Variants in ANKFN1 observed in about 807,000 individuals in gnomAD.
ANKFN1 encodes ankyrin repeat and fibronectin type III domain containing 1.
A neutral mutation model predicts 108.7 loss-of-function variants in ANKFN1; 74 were observed. That is an observed-to-expected ratio of 0.68 (90% CI 0.56 to 0.83). The LOEUF (loss-of-function observed/expected upper bound fraction) is 0.83. Among genes scored for constraint, ANKFN1 ranks in the 40% least tolerant of loss-of-function variants. The pLI is 0.00. For missense variants in ANKFN1, 1,505 were observed against 1,382.3 expected, an observed-to-expected ratio of 1.09 and a Z score of -1.41; for synonymous variants, 547 against 516.2, an observed-to-expected ratio of 1.06 and a Z score of -0.81.
At chr17:56,105,713 G>C (rs1016670548) in intron 4 of ANKFN1, among the ~76,000 whole-genome samples, 1 of 112,092 alleles carries the variant, frequency 8.9e-6, no homozygotes, top group Non-Finnish European at 1.7e-5. Context: ...TTTTTTGTCT[G>C]TGTGTGTGTG....
chr17:56,346,421 C>A (rs1019800555), intron 4 of ANKFN1, among the ~76,000 whole-genome samples: 1 of 151,782 alleles, frequency 6.6e-6, no homozygotes, highest in African/African-American at 2.4e-5. Flanking sequence ...TCTAATTCTG[C>A]CAAGAAAGTC....
intron 15 of ANKFN1, among the ~76,000 whole-genome samples, chr17:56,476,204 A>G (rs2050494267): frequency 6.6e-6 from 1 of 152,162 alleles, no homozygotes; most frequent in African/African-American, 2.4e-5. Flanking sequence ...AATCCAAACC[A>G]TATTAATAAG....
intron 8 of ANKFN1, among the ~76,000 whole-genome samples, chr17:56,401,368 A>ATTGTATTGTG (rs55888620): frequency 0.018 from 2,464 of 135,380 alleles, 37 homozygotes; most frequent in Middle Eastern, 0.028. Flanking sequence ...ATTGTATTGT[A>ATTGTATTGTG]TTGTGTTGTG....
intron 3 of ANKFN1, among the ~76,000 whole-genome samples, chr17:56,325,262 CTGTGTGTG>C (rs57226368): frequency 0.26 from 39,485 of 149,410 alleles, 5,344 homozygotes; most frequent in East Asian, 0.42. Context: ...GCTAGTGTCG[CTGTGTGTG>C]TGTGTGTGTG....
intron 4 of ANKFN1, among the ~76,000 whole-genome samples, chr17:56,121,955 G>T (rs1055377848): frequency 5.3e-5 from 8 of 152,112 alleles, no homozygotes; most frequent in Non-Finnish European, 1.0e-4. Context: ...GGGGTTGCTG[G>T]GGGGAGGTAG....
intron 8 of ANKFN1, among the ~76,000 whole-genome samples, chr17:56,412,222 T>C (rs1271508812): frequency 1.3e-5 from 2 of 152,228 alleles, no homozygotes; most frequent in Non-Finnish European, 2.9e-5. Context: ...GTTGTGTGTT[T>C]CTGGGAATTC....
At chr17:56,058,315 TC>T (rs1598084812) in intron 4 of ANKFN1, among the ~76,000 whole-genome samples, 2 of 152,360 alleles carry the variant, frequency 1.3e-5, no homozygotes, top group African/African-American at 4.8e-5. Context: ...GTTTTTAGTG[TC>T]GCCACCTTCA....
intron 4 of ANKFN1, among the ~76,000 whole-genome samples, chr17:56,126,333 C>G (rs537336833): frequency 1.3e-5 from 2 of 152,292 alleles, no homozygotes; most frequent in African/African-American, 4.8e-5. Flanking sequence ...CTGGCTCCCC[C>G]TGCCAGACGA....
At chr17:56,203,498 C>T (rs1345358013) in intron 1 of ANKFN1, among the ~76,000 whole-genome samples, 1 of 152,200 alleles carries the variant, frequency 6.6e-6, no homozygotes, top group Non-Finnish European at 1.5e-5. Context: ...AACTGCCCAT[C>T]ATACTGTGTT....
chr17:56,060,856 A>G (rs1323825564), intron 4 of ANKFN1, among the ~76,000 whole-genome samples: 1 of 152,214 alleles, frequency 6.6e-6, no homozygotes, highest in Non-Finnish European at 1.5e-5. Context: ...GGATTTTCAC[A>G]TCGATGTTCA....
chr17:56,300,078 C>T (rs1056294904), intron 3 of ANKFN1, among the ~76,000 whole-genome samples: 3 of 152,146 alleles, frequency 2.0e-5, no homozygotes, highest in Non-Finnish European at 1.5e-5. Context: ...TAGTTTAGAC[C>T]TCATGGAGCT....
intron 8 of ANKFN1, among the ~76,000 whole-genome samples, chr17:56,432,626 T>A (rs1567997154): frequency 6.6e-6 from 1 of 152,212 alleles, no homozygotes; most frequent in East Asian, 1.9e-4. Flanking sequence ...TTCACGAGTT[T>A]CTGGGCCAGC....
chr17:56,480,252 T>C (rs2050650223), intron 16 of ANKFN1, among the ~76,000 whole-genome samples: 1 of 152,204 alleles, frequency 6.6e-6, no homozygotes, highest in Non-Finnish European at 1.5e-5. Context: ...AAGTGGTTTG[T>C]TGGCTGAGTT....
At chr17:56,185,385 A>C (rs1912090520) in intron 1 of ANKFN1, among the ~76,000 whole-genome samples, 1 of 152,194 alleles carries the variant, frequency 6.6e-6, no homozygotes, top group African/African-American at 2.4e-5. Flanking sequence ...CCCAGTTTTA[A>C]TTATTTTGCC....
At chr17:56,450,240 C>T (rs956369800) in intron 11 of ANKFN1, among the ~76,000 whole-genome samples, 1 of 151,856 alleles carries the variant, frequency 6.6e-6, no homozygotes, top group Non-Finnish European at 1.5e-5. Context: ...GGGCAAGACT[C>T]TGTCTCTAAA....
intron 3 of ANKFN1, among the ~76,000 whole-genome samples, chr17:56,231,086 C>T (rs1567852631): frequency 6.6e-6 from 1 of 152,062 alleles, no homozygotes; most frequent in Non-Finnish European, 1.5e-5. Context: ...TGGGCAAAGA[C>T]CTGTTCTCTT....
chr17:56,324,672 A>G (rs2045466694), intron 3 of ANKFN1, among the ~76,000 whole-genome samples: 1 of 152,234 alleles, frequency 6.6e-6, no homozygotes, highest in Non-Finnish European at 1.5e-5. Context: ...TTGATGAAAA[A>G]CATAGCCCTC....
chr17:56,196,651 G>A (rs1041968209), intron 1 of ANKFN1, among the ~76,000 whole-genome samples: 1 of 152,146 alleles, frequency 6.6e-6, no homozygotes, highest in Non-Finnish European at 1.5e-5. Context: ...TGAGGTGGGA[G>A]GACTGCCTGA....
intron 1 of ANKFN1, among the ~76,000 whole-genome samples, chr17:56,182,505 T>C (rs1436865959): frequency 6.6e-6 from 1 of 152,170 alleles, no homozygotes; most frequent in Non-Finnish European, 1.5e-5. Flanking sequence ...CCCTAACTCT[T>C]TGAATTTTCT....
Sources: allele counts gnomAD v4.1 joint callset (sites outside exome capture counted in the v4.1 genomes callset), GRCh38; gene constraint gnomAD v4.1.1; transcripts MANE v1.5; gene names NCBI Gene and HGNC (gene_info 2026-07-23, HGNC 2026-07-21).